Variants in CGNL1 observed in about 807,000 individuals in gnomAD.
CGNL1 encodes cingulin-like protein 1.
In CGNL1, 132 loss-of-function variants were observed where a neutral mutation model predicts 141.2. The ratio of observed to expected loss-of-function variants is 0.93; its 90% CI spans 0.81 to 1.08. CGNL1 has a LOEUF of 1.08. Among genes scored for constraint, CGNL1 ranks in the 50% least tolerant of loss-of-function variants. The probability of loss-of-function intolerance (pLI) is 0.00; values close to 1 mark genes in which losing one functional copy is unlikely to be tolerated. For synonymous variants in CGNL1, 690 were observed against 622.1 expected (o/e 1.11, Z -1.63); for missense variants, 1,870 against 1,588.6 (o/e 1.18, Z -3.01).
At chr15:57,535,423 AGAGT>A (rs2032208432) in intron 14 of CGNL1, among the ~76,000 whole-genome samples, 1 of 152,170 alleles carries the variant, frequency 6.6e-6, no homozygotes, top group Non-Finnish European at 1.5e-5. Flanking sequence ...CATTGTTGCA[AGAGT>A]GAGTGTGGAA....
chr15:57,396,879 G>A (rs1368646587), intron 1 of CGNL1: 1 of 152,148 alleles, frequency 6.6e-6, no homozygotes, highest in Non-Finnish European at 1.5e-5. Flanking sequence ...GGAAGGTGTT[G>A]TGCTGATATG....
chr15:57,395,842 C>T (rs1706340), intron 1 of CGNL1, among the ~76,000 whole-genome samples: 65,973 of 152,030 alleles, frequency 0.43, 14,560 homozygotes, highest in East Asian at 0.67. Context: ...TGGTTAGCGC[C>T]ATGGTACGAA....
At chr15:57,524,539 G>A in intron 11 of CGNL1, 42 bp from the exon 12 acceptor site, 1 of 1,560,916 alleles carries the variant, frequency 6.4e-7, no homozygotes, top group Non-Finnish European at 8.7e-7. Flanking sequence ...CCTGGTCTCA[G>A]AGCATCCCAG....
intron 8 of CGNL1, among the ~76,000 whole-genome samples, chr15:57,473,899 CTTTTTTTTTT>C (rs59761174): frequency 1.4e-5 from 1 of 70,668 alleles, no homozygotes; most frequent in South Asian, 7.3e-4. Context: ...TCTTCTTCTT[CTTTTTTTTTT>C]TTTTTTTTTT....
At chr15:57,443,640 C>T (rs920500309) in intron 4 of CGNL1, among the ~76,000 whole-genome samples, 4 of 152,226 alleles carry the variant, frequency 2.6e-5, no homozygotes, top group African/African-American at 4.8e-5. Context: ...CACACACATA[C>T]GCAATTCCCA....
chr15:57,542,311 C>T (rs141863346), intron 14 of CGNL1, among the ~76,000 whole-genome samples: 4 of 152,156 alleles, frequency 2.6e-5, no homozygotes, highest in Non-Finnish European at 2.9e-5. Flanking sequence ...TCCTGGAATT[C>T]GTTTTCATCC....
intron 8 of CGNL1, among the ~76,000 whole-genome samples, chr15:57,464,990 G>A (rs1595732221): frequency 6.6e-6 from 1 of 152,096 alleles, no homozygotes; most frequent in South Asian, 2.1e-4. Context: ...GGCCTCAAGT[G>A]ATCTGCCCAC....
intron 8 of CGNL1, among the ~76,000 whole-genome samples, chr15:57,467,149 A>T (rs763672121): frequency 6.6e-6 from 1 of 152,234 alleles, no homozygotes; most frequent in Non-Finnish European, 1.5e-5. Flanking sequence ...AGGACTATAC[A>T]TATAAATCAG....
intron 8 of CGNL1, among the ~76,000 whole-genome samples, chr15:57,504,092 C>T (rs1485851117): frequency 6.6e-6 from 1 of 152,166 alleles, no homozygotes; most frequent in African/African-American, 2.4e-5. Flanking sequence ...TCCGGGTTCA[C>T]TGCTGATCAT....
At chr15:57,429,099 G>A (rs901944769) in intron 1 of CGNL1, among the ~76,000 whole-genome samples, 3 of 152,014 alleles carry the variant, frequency 2.0e-5, no homozygotes, top group Non-Finnish European at 2.9e-5. Context: ...TTGGGTACTT[G>A]CAAAAATATT....
At position 57,546,292 on chromosome 15, in the gene CGNL1, C is replaced by T. The variant is rs116524916; in HGVS notation, c.3773+53C>T. 1.7e-3 allele frequency: 2,584 copies of T among 1,500,518 alleles called. 37 individuals are homozygous for T. In the African/African-American group the frequency reaches 0.033, roughly 19 times the overall value. 93.0% of individuals were successfully genotyped at this position (1,500,518 alleles called of 1,614,324 possible). A position where few individuals can be genotyped will look rare whatever the true frequency, so the allele number is the denominator to read the frequency against. On this transcript the variant is annotated intron_variant, in intron 18 of 18. Coordinates refer to ENST00000281282, the MANE Select transcript of CGNL1 (RefSeq NM_032866.5). ...CCGGGTAATCTCCCCACAGTTGAGA[C>T]AGGCTCTGCTTTCAGAGCATTCACA...
intron 1 of CGNL1, among the ~76,000 whole-genome samples, chr15:57,434,942 AATAAT>A (rs2063087302): frequency 6.6e-6 from 1 of 152,168 alleles, no homozygotes; most frequent in Non-Finnish European, 1.5e-5. Context: ...AAACCCAGAA[AATAAT>A]ATAACACAAA....
At position 57,547,446 on chromosome 15, in the gene CGNL1, A is replaced by T; in HGVS notation, c.3865A>T (p.Ser1289Cys). The T allele has an allele frequency of 6.2e-7, 1 of 1,614,174 alleles. No homozygotes were observed. Among genetic ancestry groups the T allele is most frequent in the Non-Finnish European group, 8.5e-7 (1 of 1,180,014 alleles). The change falls in exon 19 of 19, where the codon AGC becomes TGC. Residue 1289 changes from serine to cysteine, a missense_variant. Ser to Cys is a moderately radical substitution (Grantham distance 112). Coordinates refer to ENST00000281282, the MANE Select transcript of CGNL1 (RefSeq NM_032866.5). ...DGGSLYEAPVSYTFSKDSTVA... is the reference protein window; with the variant it reads ...DGGSLYEAPVCYTFSKDSTVA... Reference sequence around the variant, plus strand: ...GGGAAGCCTCTATGAGGCGCCTGTGAGCTACACATTCTCCAAGGACAGCAC... The same window carrying T: ...GGGAAGCCTCTATGAGGCGCCTGTGTGCTACACATTCTCCAAGGACAGCAC...
At chr15:57,545,139 A>T (rs1298170393) in intron 16 of CGNL1, among the ~76,000 whole-genome samples, 2 of 152,164 alleles carry the variant, frequency 1.3e-5, no homozygotes, top group Non-Finnish European at 2.9e-5. Context: ...ACCAGGTTCA[A>T]CTTGAGCAGC....
chr15:57,515,292 T>C (rs2030677580), intron 8 of CGNL1, among the ~76,000 whole-genome samples: 1 of 152,232 alleles, frequency 6.6e-6, no homozygotes, highest in Non-Finnish European at 1.5e-5. Flanking sequence ...GCTTTCTCTG[T>C]TGTATAGAAT....
intron 11 of CGNL1, 53 bp downstream of exon 11, chr15:57,523,694 C>A: frequency 1.3e-6 from 2 of 1,594,338 alleles, no homozygotes; most frequent in Non-Finnish European, 1.7e-6. Context: ...TTTGTTGGAC[C>A]CAGTCCCCTC....
At chr15:57,389,026 G>GTT (rs142452480) in intron 1 of CGNL1, among the ~76,000 whole-genome samples, 3 of 149,116 alleles carry the variant, frequency 2.0e-5, no homozygotes, top group East Asian at 2.0e-4. Context: ...ATAGAGAGGT[G>GTT]TTTTTTTTTT....
intron 1 of CGNL1, among the ~76,000 whole-genome samples, chr15:57,400,553 G>A (rs2062648490): frequency 6.6e-6 from 1 of 152,098 alleles, no homozygotes; most frequent in East Asian, 1.9e-4. Flanking sequence ...GCCCATTTGA[G>A]CTTCCATTCA....
At chr15:57,461,583 T>C (rs1413058750) in intron 7 of CGNL1, 97 bp from the exon 8 acceptor site, 2 of 978,710 alleles carry the variant, frequency 2.0e-6, no homozygotes, top group Admixed American at 3.5e-5. Flanking sequence ...CCAGGTGAGA[T>C]GGCTGTGCAC....
Sources: allele counts gnomAD v4.1 joint callset (sites outside exome capture counted in the v4.1 genomes callset), GRCh38; gene constraint gnomAD v4.1.1; transcripts MANE v1.5; gene names NCBI Gene and HGNC (gene_info 2026-07-23, HGNC 2026-07-21).